Variants in RGS5 observed in about 807,000 individuals in gnomAD.
RGS5 encodes regulator of G-protein signalling 5.
Under a neutral mutation model 18.9 loss-of-function variants are expected in RGS5, and 20 were observed. The ratio of observed to expected loss-of-function variants is 1.06; its 90% CI spans 0.74 to 1.54. The LOEUF is 1.54. Ranked by LOEUF, RGS5 falls within the 40% of genes most tolerant of loss-of-function variation. The pLI is 0.00. For synonymous variants in RGS5, 57 were observed against 76.2 expected (o/e 0.75, Z 1.31); for missense variants, 201 against 211.8 (o/e 0.95, Z 0.32).
In RGS5 at chr1:163,166,341, T is replaced by TA. The variant is rs202082084; in HGVS notation, c.155+1916dup. 2.1e-3 allele frequency among the ~76,000 whole-genome samples: 317 copies of TA among 152,196 alleles called. 1 individual carries two copies. Among genetic ancestry groups the TA allele is most frequent in the African/African-American group, 7.5e-3 (310 of 41,516 alleles). ...CATGTTAAAAAATAGAAAATACTTT[T>TA]AAAAAAACGGATTCTACTGATGTCA... On this transcript the variant is annotated intron_variant, in intron 2 of 4. Coordinates refer to ENST00000313961, the MANE Select transcript of RGS5 (RefSeq NM_003617.4).
At chr1:163,298,857 T>C (rs983710053) in intron 2 of RGS5, among the ~76,000 whole-genome samples, 3 of 152,138 alleles carry the variant, frequency 2.0e-5, no homozygotes, top group Non-Finnish European at 4.4e-5. Context: ...ATGCTACATT[T>C]TGAGGTTTAC....
chr1:163,200,306 A>C (rs1197896084), intron 1 of RGS5, among the ~76,000 whole-genome samples: 2 of 152,204 alleles, frequency 1.3e-5, no homozygotes, highest in East Asian at 3.9e-4. Flanking sequence ...GTCAGAACTG[A>C]ACTCTTCAGC....
intron 2 of RGS5, among the ~76,000 whole-genome samples, chr1:163,265,696 G>A (rs1047524586): frequency 3.9e-5 from 6 of 152,054 alleles, no homozygotes; most frequent in African/African-American, 1.4e-4. Flanking sequence ...TTTGGAAACT[G>A]TGACTCATTT....
chr1:163,188,901 CAAGA>C (rs1659213513), intron 1 of RGS5, among the ~76,000 whole-genome samples: 1 of 138,512 alleles, frequency 7.2e-6, no homozygotes, highest in Non-Finnish European at 1.5e-5. Context: ...TGCAGTGAGC[CAAGA>C]TCGCACCACC....
chr1:163,143,798 T>C lies in RGS5; in HGVS notation c.*3544A>G, dbSNP rs958774277. On this transcript the variant is annotated 3_prime_UTR_variant, in exon 5 of 5. Coordinates refer to ENST00000313961, the MANE Select transcript of RGS5 (RefSeq NM_003617.4). ...TTTACAACGATTCTCAAATTTGTTA[T>C]TGGATAGGCAGTTTGGCAAAAACCT... is the stretch of plus-strand genomic sequence containing the variant. 2.0e-5 allele frequency: 3 copies of C among 152,142 alleles called. No individual in the cohort carries two copies. In the East Asian group the frequency reaches 5.8e-4, roughly 29 times the overall value. The allele number at this position is 152,142 out of a possible 1,614,324, so 9.4% of individuals were successfully genotyped here. A position where few individuals can be genotyped will look rare whatever the true frequency, so the allele number is the denominator to read the frequency against.
chr1:163,183,063 C>G (rs185217150), intron 1 of RGS5, among the ~76,000 whole-genome samples: 1 of 152,160 alleles, frequency 6.6e-6, no homozygotes, highest in Admixed American at 6.5e-5. Flanking sequence ...AATGTGTCCT[C>G]TCATAATACA....
chr1:163,217,005 G>T (rs11800971), intron 1 of RGS5, among the ~76,000 whole-genome samples: 32,293 of 152,062 alleles, frequency 0.21, 3,587 homozygotes, highest in African/African-American at 0.28. Flanking sequence ...ATACCGCATG[G>T]TCTCACATAT....
rs537409821 is a variant in RGS5, at chr1:163,168,434, T to C, written c.45-66A>G. The C allele has an allele frequency of 8.6e-5, 101 of 1,175,400 alleles. No homozygotes were observed. The African/African-American group carries it at 1.4e-3, about 17-fold the overall frequency. The allele number at this position is 1,175,400 out of a possible 1,614,324, so 72.8% of individuals were successfully genotyped here. On this transcript the variant is annotated intron_variant, in intron 1 of 4. Coordinates refer to ENST00000313961, the MANE Select transcript of RGS5 (RefSeq NM_003617.4). ...TGCATACAGATTTTAAGAAGAGATTTCTTCCTGTGTCAGAGAAACAAAAAT... is the reference window on the plus strand; with the variant it reads ...TGCATACAGATTTTAAGAAGAGATTCCTTCCTGTGTCAGAGAAACAAAAAT...
chr1:163,186,139 T>C (rs962974914), intron 1 of RGS5, among the ~76,000 whole-genome samples: 8 of 151,328 alleles, frequency 5.3e-5, no homozygotes, highest in Admixed American at 2.0e-4. Context: ...TGGTGCAATC[T>C]TGGCTCATTG....
At chr1:163,152,824 G>A in intron 3 of RGS5, 108 bp from the exon 4 acceptor site, 1 of 997,412 alleles carries the variant, frequency 1.0e-6, no homozygotes, top group Non-Finnish European at 1.4e-6. Flanking sequence ...TATGCACAAA[G>A]TTTTAGCTCA....
intron 1 of RGS5, among the ~76,000 whole-genome samples, chr1:163,190,608 A>T (rs1231044165): frequency 3.3e-5 from 5 of 151,930 alleles, no homozygotes; most frequent in Non-Finnish European, 5.9e-5. Flanking sequence ...CCCTATAAAC[A>T]GTGCTCGACT....
rs568762708 is a variant in RGS5 at position 163,182,383 on chromosome 1, C to T, written c.45-14015G>A. Among the ~76,000 whole-genome samples, 1,388 of 152,212 alleles carry T rather than the reference C, an allele frequency of 9.1e-3. 18 individuals carry two copies. The highest frequency in any genetic ancestry group is 0.031 in the African/African-American group (1,304 of 41,518). ...CAGCTCAATTACATTGTATTATCAC[C>T]TCCCTGGTGCTGTCATTTTACTTTA... On this transcript the variant is annotated intron_variant, in intron 1 of 4. Coordinates refer to ENST00000313961, the MANE Select transcript of RGS5 (RefSeq NM_003617.4).
At chr1:163,174,823 C>T (rs1195545415) in intron 1 of RGS5, among the ~76,000 whole-genome samples, 3 of 152,116 alleles carry the variant, frequency 2.0e-5, no homozygotes, top group African/African-American at 7.2e-5. Flanking sequence ...AAACAGGTTT[C>T]GCTGTAGACG....
At chr1:163,208,139 T>C (rs1368121022) in intron 1 of RGS5, among the ~76,000 whole-genome samples, 2 of 151,200 alleles carry the variant, frequency 1.3e-5, no homozygotes, top group African/African-American at 2.4e-5. Context: ...CAAAAACAGT[T>C]TTTAAGAAAG....
At chr1:163,259,882 G>A (rs1394531461) in intron 2 of RGS5, 1 of 152,210 alleles carries the variant, frequency 6.6e-6, no homozygotes, top group African/African-American at 2.4e-5. Flanking sequence ...GAGGTACTGA[G>A]GTACTGAGGT....
intron 2 of RGS5, among the ~76,000 whole-genome samples, chr1:163,253,289 A>G (rs1029661282): frequency 6.6e-6 from 1 of 152,032 alleles, no homozygotes; most frequent in Non-Finnish European, 1.5e-5. Flanking sequence ...AGTGATCATG[A>G]TCAGAAATAA....
At chr1:163,303,000 G>C (rs1419051369) in intron 2 of RGS5, among the ~76,000 whole-genome samples, 1 of 152,112 alleles carries the variant, frequency 6.6e-6, no homozygotes, top group Non-Finnish European at 1.5e-5. Context: ...AAGGATCTAT[G>C]ACTGATTCAC....
intron 2 of RGS5, among the ~76,000 whole-genome samples, chr1:163,292,433 G>A (rs1284426112): frequency 6.6e-6 from 1 of 152,112 alleles, no homozygotes; most frequent in Admixed American, 6.5e-5. Context: ...TGGGCATTTA[G>A]GTTGATTCCA....
chr1:163,290,514 CTAAT>C (rs1557932613), intron 2 of RGS5, among the ~76,000 whole-genome samples: 1 of 152,114 alleles, frequency 6.6e-6, no homozygotes, highest in Non-Finnish European at 1.5e-5. Context: ...TTAGAGTAAT[CTAAT>C]TATGCCTTTA....
Sources: allele counts gnomAD v4.1 joint callset (sites outside exome capture counted in the v4.1 genomes callset), GRCh38; gene constraint gnomAD v4.1.1; transcripts MANE v1.5; gene names NCBI Gene and HGNC (gene_info 2026-07-23, HGNC 2026-07-21).